The following SYTL5 variants were observed in gnomAD, a reference collection of about 807,000 sequenced individuals.
SYTL5 encodes the protein synaptotagmin like 5, also known as synaptotagmin-like protein 5.
A neutral mutation model predicts 55.9 loss-of-function variants in SYTL5; 34 were observed. The ratio of observed to expected loss-of-function variants is 0.61; its 90% CI spans 0.46 to 0.81. The LOEUF (loss-of-function observed/expected upper bound fraction) is 0.81. Ranked by LOEUF, SYTL5 falls within the 30% of genes least tolerant of loss-of-function variation. SYTL5 has a pLI of 0.00. For missense variants in SYTL5, 637 were observed against 546.7 expected (o/e 1.17, Z -1.65); for synonymous variants, 221 against 188.7 (o/e 1.17, Z -1.40).
At chrX:38,054,444 G>A (rs1306753285) in intron 3 of SYTL5, 22 bp downstream of exon 3, 1 of 1,179,302 alleles carries the variant, frequency 8.5e-7, no homozygotes, top group East Asian at 3.0e-5. Flanking sequence ...GATTTTTCAT[G>A]GAAAGTGGAG....
At chrX:37,955,438 C>T in the SYTL5 span, among the ~76,000 whole-genome samples, 1 of 111,901 alleles carries the variant, frequency 8.9e-6, no homozygotes, top group African/African-American at 3.2e-5. Flanking sequence ...AAACTATTTA[C>T]TTTGTTTTAC....
At chrX:38,124,542 A>G (rs1341456795) in intron 15 of SYTL5, among the ~76,000 whole-genome samples, 1 of 112,243 alleles carries the variant, frequency 8.9e-6, no homozygotes, top group Non-Finnish European at 1.9e-5. Flanking sequence ...AGAGCCTCAT[A>G]CAGTGTTTTG....
intron 1 of SYTL5, among the ~76,000 whole-genome samples, chrX:38,018,861 T>C (rs902045743): frequency 8.1e-4 from 91 of 111,890 alleles, no homozygotes; most frequent in African/African-American, 2.8e-3. Context: ...GTGACTCTTA[T>C]TTTCCTTCCC....
chrX:37,956,258 TA>T, the SYTL5 span, among the ~76,000 whole-genome samples: 3 of 112,178 alleles, frequency 2.7e-5, no homozygotes, highest in African/African-American at 9.7e-5. Context: ...GTCATTTAAT[TA>T]ATTAGATAAT....
intron 1 of SYTL5, among the ~76,000 whole-genome samples, chrX:38,013,212 A>G (rs748979108): frequency 8.9e-5 from 10 of 112,581 alleles, no homozygotes; most frequent in Non-Finnish European, 1.5e-4. Context: ...TCAGTTATAC[A>G]CAACAACCAA....
intron 1 of SYTL5, among the ~76,000 whole-genome samples, chrX:38,018,240 G>A (rs1056470587): frequency 9.0e-5 from 10 of 110,970 alleles, no homozygotes; most frequent in African/African-American, 2.6e-4. Context: ...GGAGGCCTGC[G>A]TTAGTGAGAC....
At chrX:38,068,402 A>G (rs1256848437) in intron 3 of SYTL5, among the ~76,000 whole-genome samples, 1 of 112,372 alleles carries the variant, frequency 8.9e-6, no homozygotes, top group East Asian at 2.8e-4. Flanking sequence ...CTATTATACC[A>G]TTCAACCCAG....
intron 1 of SYTL5, among the ~76,000 whole-genome samples, chrX:38,028,041 G>C (rs1030601302): frequency 1.8e-5 from 2 of 110,566 alleles, no homozygotes; most frequent in Non-Finnish European, 3.8e-5. Context: ...CGCCAGGCTG[G>C]TTTCAAACTC....
At chrX:37,951,900 C>A in the SYTL5 span, among the ~76,000 whole-genome samples, 2 of 111,221 alleles carry the variant, frequency 1.8e-5, no homozygotes, top group Admixed American at 9.6e-5. Flanking sequence ...GGATCATATT[C>A]TTGAGGAGGA....
At chrX:37,935,698 G>A in the SYTL5 span, among the ~76,000 whole-genome samples, 1 of 111,947 alleles carries the variant, frequency 8.9e-6, no homozygotes, top group East Asian at 2.8e-4. Flanking sequence ...AAGTTAAGAT[G>A]TTAATTGTCA....
intron 1 of SYTL5, among the ~76,000 whole-genome samples, chrX:38,014,440 AAAT>A (rs1184269467): frequency 8.9e-6 from 1 of 112,092 alleles, no homozygotes; most frequent in Non-Finnish European, 1.9e-5. Context: ...TATCTAAATC[AAAT>A]AATTGATATT....
intron 13 of SYTL5, among the ~76,000 whole-genome samples, chrX:38,113,686 G>T (rs1937414885): frequency 9.0e-6 from 1 of 111,515 alleles, no homozygotes; most frequent in African/African-American, 3.3e-5. Context: ...AGCCAAAGAT[G>T]TTAGTTCTCT....
chrX:37,975,822 T>C, the SYTL5 span, among the ~76,000 whole-genome samples: 1 of 112,379 alleles, frequency 8.9e-6, no homozygotes, highest in Non-Finnish European at 1.9e-5. Flanking sequence ...TGAACCTCAA[T>C]ATATAAGTTT....
At chrX:38,112,723 C>T (rs1276469446) in intron 13 of SYTL5, among the ~76,000 whole-genome samples, 1 of 111,773 alleles carries the variant, frequency 8.9e-6, no homozygotes, top group African/African-American at 3.3e-5. Context: ...AGTGGCTCAT[C>T]CCCAGGCTGA....
chrX:38,059,350 A>T (rs1292678272), intron 3 of SYTL5, among the ~76,000 whole-genome samples: 2 of 111,951 alleles, frequency 1.8e-5, no homozygotes, highest in Non-Finnish European at 3.8e-5. Context: ...TGGCCAAAAT[A>T]TATGAAGAAA....
At chrX:37,889,822 T>A in the SYTL5 span, among the ~76,000 whole-genome samples, 2 of 111,168 alleles carry the variant, frequency 1.8e-5, no homozygotes, top group South Asian at 7.6e-4. Flanking sequence ...TACTAAGTCT[T>A]ACAGGACTGG....
chrX:37,889,410 TG>T, the SYTL5 span, among the ~76,000 whole-genome samples: 11,360 of 111,506 alleles, frequency 0.1, 1,448 homozygotes, highest in African/African-American at 0.35. Flanking sequence ...AACAGTCCAG[TG>T]GAGACAGCTC....
intron 3 of SYTL5, among the ~76,000 whole-genome samples, chrX:38,067,766 T>C (rs1936139266): frequency 8.9e-6 from 1 of 111,985 alleles, no homozygotes; most frequent in Admixed American, 9.5e-5. Context: ...CCCCTATTTT[T>C]CACTATATAC....
At chrX:38,098,959 G>C (rs1160215471) in intron 9 of SYTL5, among the ~76,000 whole-genome samples, 1 of 110,793 alleles carries the variant, frequency 9.0e-6, no homozygotes, top group African/African-American at 3.3e-5. Context: ...AAGGAAAATT[G>C]ATAGAGAAAT....
Sources: allele counts gnomAD v4.1 joint callset (sites outside exome capture counted in the v4.1 genomes callset), GRCh38; gene constraint gnomAD v4.1.1; transcripts MANE v1.5; gene names NCBI Gene and HGNC (gene_info 2026-07-23, HGNC 2026-07-21).